TENM2: variants seen among roughly 807,000 people sequenced by gnomAD.
TENM2 encodes teneurin transmembrane protein 2, also known as teneurin-2.
In TENM2, 52 loss-of-function variants were observed where a neutral mutation model predicts 245.2. The observed-to-expected ratio is 0.21, with a 90% confidence interval of 0.17 to 0.27. TENM2 has a LOEUF of 0.27. Ranked by LOEUF, TENM2 falls within the 10% of genes least tolerant of loss-of-function variation. TENM2 has a pLI of 1.00. For synonymous variants in TENM2, 1,363 were observed against 1,438.9 expected (o/e 0.95, Z 1.19); for missense variants, 3,046 against 3,666.8 (o/e 0.83, Z 4.37).
At chr5:167,069,143 G>A in the TENM2 span, among the ~76,000 whole-genome samples, 2 of 151,982 alleles carry the variant, frequency 1.3e-5, no homozygotes, top group South Asian at 4.2e-4. Context: ...ATATCTAAAG[G>A]GAAAATTGTT....
At chr5:167,213,631 G>C in the TENM2 span, among the ~76,000 whole-genome samples, 1 of 152,196 alleles carries the variant, frequency 6.6e-6, no homozygotes, top group Admixed American at 6.5e-5. Flanking sequence ...TGAAAAAGCA[G>C]GTTACATGTG....
chr5:167,869,222 G>A (rs888965306), intron 2 of TENM2, among the ~76,000 whole-genome samples: 1 of 152,206 alleles, frequency 6.6e-6, no homozygotes, highest in Non-Finnish European at 1.5e-5. Flanking sequence ...ATAAACATTT[G>A]TAAAAGACAA....
the TENM2 span, among the ~76,000 whole-genome samples, chr5:167,136,131 C>G: frequency 6.6e-6 from 1 of 152,286 alleles, no homozygotes; most frequent in East Asian, 1.9e-4. Flanking sequence ...ATAGCCAAGT[C>G]TTTTGTAAAT....
intron 2 of TENM2, among the ~76,000 whole-genome samples, chr5:167,449,565 TA>T (rs1561965044): frequency 7.8e-6 from 1 of 127,398 alleles, no homozygotes; most frequent in Non-Finnish European, 1.7e-5. Flanking sequence ...GATAGATAGA[TA>T]GATAAAGACA....
At chr5:168,169,973 C>A (rs1025639320) in intron 13 of TENM2, among the ~76,000 whole-genome samples, 1 of 152,172 alleles carries the variant, frequency 6.6e-6, no homozygotes, top group African/African-American at 2.4e-5. Context: ...GAAAACTTGG[C>A]CTTGAGGACA....
chr5:167,532,572 C>T (rs1197401328), intron 2 of TENM2, among the ~76,000 whole-genome samples: 1 of 151,904 alleles, frequency 6.6e-6, no homozygotes, highest in Non-Finnish European at 1.5e-5. Flanking sequence ...ATCACAAGAA[C>T]ATCAGGGGAA....
the TENM2 span, among the ~76,000 whole-genome samples, chr5:167,223,518 A>C: frequency 6.6e-6 from 1 of 151,966 alleles, no homozygotes; most frequent in Non-Finnish European, 1.5e-5. Flanking sequence ...AAATGGCATG[A>C]TTTCATTCTT....
At chr5:168,227,976 A>G in exon 25 of TENM2, 1 of 1,613,778 alleles carries the variant, frequency 6.2e-7, no homozygotes, top group South Asian at 1.1e-5. Context: ...ATCAGCTTCC[A>G]CAGCGAGCCC....
the TENM2 span, among the ~76,000 whole-genome samples, chr5:167,004,617 G>T: frequency 6.6e-6 from 1 of 152,152 alleles, no homozygotes; most frequent in Non-Finnish European, 1.5e-5. Context: ...AACCAAAGAT[G>T]GTAAATGTTA....
chr5:167,613,464 C>G (rs544171722), intron 2 of TENM2, among the ~76,000 whole-genome samples: 1 of 152,192 alleles, frequency 6.6e-6, no homozygotes, highest in South Asian at 2.1e-4. Flanking sequence ...GAATTAACCA[C>G]CTGGTAAGAG....
intron 19 of TENM2, among the ~76,000 whole-genome samples, chr5:168,208,973 A>T (rs997758502): frequency 1.3e-5 from 2 of 151,724 alleles, no homozygotes; most frequent in Non-Finnish European, 2.9e-5. Context: ...TTTATTAATT[A>T]ACTCCTGTAA....
intron 2 of TENM2, among the ~76,000 whole-genome samples, chr5:167,589,262 T>C (rs1270919270): frequency 6.6e-6 from 1 of 152,156 alleles, no homozygotes; most frequent in African/African-American, 2.4e-5. Flanking sequence ...TTTACCATTG[T>C]CACAAAGCCA....
chr5:167,944,240 G>A lies in TENM2; in HGVS notation c.713-8348G>A, dbSNP rs149264001. 5.3e-4 allele frequency among the ~76,000 whole-genome samples: 80 copies of A among 152,248 alleles called. No homozygotes were observed. In the East Asian group the frequency reaches 0.012, roughly 22 times the overall value. ...CAGCTACTGACTTGGCACCCAGTTC[G>A]AGTCCCCTTATCCTTTCTTGTTTCC... On this transcript the variant is annotated intron_variant, in intron 3 of 28. Coordinates refer to ENST00000518659, the Ensembl canonical transcript of TENM2.
At chr5:167,155,587 G>A in the TENM2 span, among the ~76,000 whole-genome samples, 1 of 152,178 alleles carries the variant, frequency 6.6e-6, no homozygotes, top group African/African-American at 2.4e-5. Context: ...CTAGAGGCGC[G>A]ATATTGGGCT....
At chr5:167,250,989 T>C in the TENM2 span, among the ~76,000 whole-genome samples, 1 of 152,164 alleles carries the variant, frequency 6.6e-6, no homozygotes, top group Non-Finnish European at 1.5e-5. Context: ...ATTGCTTCTC[T>C]CTTTTGAGAA....
chr5:167,111,865 C>G, the TENM2 span, among the ~76,000 whole-genome samples: 2 of 152,148 alleles, frequency 1.3e-5, no homozygotes, highest in Non-Finnish European at 2.9e-5. Context: ...TCATTCCGTC[C>G]TATTATGCCT....
chr5:167,737,871 A>G (rs912967706), intron 2 of TENM2, among the ~76,000 whole-genome samples: 1 of 152,226 alleles, frequency 6.6e-6, no homozygotes, highest in African/African-American at 2.4e-5. Flanking sequence ...GGGAGAGCTC[A>G]TGAAAATGAA....
the TENM2 span, among the ~76,000 whole-genome samples, chr5:167,112,152 A>G: frequency 1.3e-5 from 2 of 152,174 alleles, no homozygotes; most frequent in African/African-American, 4.8e-5. Context: ...CCTGGCGACA[A>G]CTTCATCATT....
intron 2 of TENM2, among the ~76,000 whole-genome samples, chr5:167,393,053 C>A (rs1222524289): frequency 1.3e-5 from 2 of 150,246 alleles, no homozygotes; most frequent in Admixed American, 6.7e-5. Context: ...ACCAAGGAGG[C>A]AGAGGTTGCA....
Sources: gnomAD v4.1 joint callset for allele counts (sites outside exome capture counted in the v4.1 genomes callset) on GRCh38, gnomAD v4.1.1 for gene constraint, MANE v1.5 for transcripts, NCBI Gene and HGNC (gene_info 2026-07-23, HGNC 2026-07-21) for gene names.